The following BLOC1S5 variants were observed in gnomAD, a reference collection of about 807,000 sequenced individuals.
The protein encoded by BLOC1S5 is biogenesis of lysosome-related organelles complex 1 subunit 5.
Under a neutral mutation model 24.3 loss-of-function variants are expected in BLOC1S5, and 27 were observed. That is an observed-to-expected ratio of 1.11 (90% CI 0.82 to 1.53). The LOEUF (loss-of-function observed/expected upper bound fraction) is 1.53, where lower values mean the gene tolerates loss of function less well. BLOC1S5 is among the 40% of genes most tolerant of loss of function. The pLI is 0.00. For missense variants in BLOC1S5, 239 were observed against 229.4 expected (o/e 1.04, Z -0.27); for synonymous variants, 84 against 74.5 (o/e 1.13, Z -0.66).
intron 1 of BLOC1S5, 73 bp downstream of exon 1, chr6:8,064,192 G>C: frequency 7.4e-7 from 1 of 1,344,018 alleles, no homozygotes; most frequent in Non-Finnish European, 1.0e-6. Flanking sequence ...GGTCGGCCCG[G>C]GTCAGAGGGC....
At chr6:8,026,249 AT>A in intron 4 of BLOC1S5, 117 bp downstream of exon 4, 1 of 746,454 alleles carries the variant, frequency 1.3e-6, no homozygotes, top group South Asian at 1.7e-5. Context: ...TGAATCAGCC[AT>A]TTTAAAATAT....
At chr6:8,041,415 T>C (rs576654235) in intron 2 of BLOC1S5, 147 bp from the exon 3 acceptor site, 2 of 708,116 alleles carry the variant, frequency 2.8e-6, no homozygotes, top group Admixed American at 3.6e-5. Flanking sequence ...TGGGTTCAAG[T>C]GAGTCTCCTG....
chr6:8,016,856 G>T (rs1013236904), intron 4 of BLOC1S5, among the ~76,000 whole-genome samples: 2 of 124,722 alleles, frequency 1.6e-5, no homozygotes, highest in African/African-American at 6.0e-5. Context: ...TCCAGCCTGG[G>T]TGACAGTGAT....
At chr6:8,035,636 A>T (rs1472419924) in intron 3 of BLOC1S5, among the ~76,000 whole-genome samples, 1 of 152,190 alleles carries the variant, frequency 6.6e-6, no homozygotes, top group Non-Finnish European at 1.5e-5. Context: ...GCAAAAAGAG[A>T]CAAAGAAGGT....
intron 3 of BLOC1S5, among the ~76,000 whole-genome samples, chr6:8,033,195 G>C (rs145699702): frequency 0.011 from 1,697 of 152,242 alleles, 31 homozygotes; most frequent in African/African-American, 0.039. Flanking sequence ...AAAGAACAAA[G>C]CTGGAGCTAT....
intron 2 of BLOC1S5, among the ~76,000 whole-genome samples, chr6:8,059,217 G>A (rs2113607717): frequency 6.6e-6 from 1 of 152,300 alleles, no homozygotes; most frequent in East Asian, 1.9e-4. Context: ...TTGGAATCAA[G>A]GGAAAAAGAG....
intron 2 of BLOC1S5, among the ~76,000 whole-genome samples, chr6:8,049,038 AGAG>A (rs1214334417): frequency 9.5e-6 from 1 of 105,444 alleles, no homozygotes; most frequent in African/African-American, 3.6e-5. Flanking sequence ...GAAAGAAAGA[AGAG>A]GAGGGGAGGG....
At chr6:8,043,085 G>A (rs1472595286) in intron 2 of BLOC1S5, among the ~76,000 whole-genome samples, 1 of 152,234 alleles carries the variant, frequency 6.6e-6, no homozygotes, top group Non-Finnish European at 1.5e-5. Context: ...CACAAGTATG[G>A]CCATATACTG....
chr6:8,038,735 C>T (rs750882295), intron 3 of BLOC1S5, among the ~76,000 whole-genome samples: 3 of 152,196 alleles, frequency 2.0e-5, no homozygotes, highest in Non-Finnish European at 4.4e-5. Context: ...CCACCCGCCT[C>T]GGCCTCCCAA....
intron 3 of BLOC1S5, among the ~76,000 whole-genome samples, chr6:8,040,875 G>T (rs1407843951): frequency 1.3e-5 from 2 of 151,662 alleles, no homozygotes; most frequent in African/African-American, 4.8e-5. Flanking sequence ...AAAAAAATTT[G>T]TAAAAATAGG....
chr6:8,050,074 G>GT (rs760461736), intron 2 of BLOC1S5, among the ~76,000 whole-genome samples: 2 of 152,274 alleles, frequency 1.3e-5, no homozygotes, highest in African/African-American at 4.8e-5. Flanking sequence ...CAGATACTAT[G>GT]TTTTTTACAA....
At chr6:8,040,005 C>T (rs982120731) in intron 3 of BLOC1S5, among the ~76,000 whole-genome samples, 21 of 152,154 alleles carry the variant, frequency 1.4e-4, no homozygotes, top group African/African-American at 5.1e-4. Context: ...TAAGTGGGAA[C>T]TAACAAAGTA....
chr6:8,039,844 G>T (rs1416320335), intron 3 of BLOC1S5, among the ~76,000 whole-genome samples: 1 of 152,126 alleles, frequency 6.6e-6, no homozygotes, highest in African/African-American at 2.4e-5. Context: ...ATGGGACCAG[G>T]CTAAAACCAC....
chr6:8,015,067 C>T lies in BLOC1S5; in HGVS notation c.*582G>A, dbSNP rs1762688921. 1 of 152,748 alleles carries T rather than the reference C, an allele frequency of 6.5e-6. No individual in the cohort carries two copies. The highest frequency in any genetic ancestry group is 2.1e-4 in the South Asian group (1 of 4,838). The allele number at this position is 152,748 out of a possible 1,614,324, so 9.5% of individuals were successfully genotyped here. A position where few individuals can be genotyped will look rare whatever the true frequency, so the allele number is the denominator to read the frequency against. On this transcript the variant is annotated 3_prime_UTR_variant, in exon 5 of 5. Transcript: ENST00000397457. ...CTGCACTGTAAAATATGCAACGCTT[C>T]CCAAGAGGCAGCTCAAACACCAGCG... is the stretch of plus-strand genomic sequence containing the variant.
intron 2 of BLOC1S5, among the ~76,000 whole-genome samples, chr6:8,058,065 T>G (rs1327929297): frequency 6.6e-6 from 1 of 152,184 alleles, no homozygotes; most frequent in Non-Finnish European, 1.5e-5. Flanking sequence ...TGTACATGTC[T>G]TGTATGACTG....
chr6:8,035,858 GAGT>G (rs1210116427), intron 3 of BLOC1S5, among the ~76,000 whole-genome samples: 9 of 152,082 alleles, frequency 5.9e-5, no homozygotes, highest in African/African-American at 9.7e-5. Context: ...AAACATTGGA[GAGT>G]TCAACTACAA....
chr6:8,018,946 G>A (rs771063573), intron 4 of BLOC1S5, among the ~76,000 whole-genome samples: 22 of 152,206 alleles, frequency 1.4e-4, no homozygotes, highest in Non-Finnish European at 2.6e-4. Context: ...AATCCTGGAT[G>A]TAACCATTAT....
At chr6:8,047,424 C>T (rs967020661) in intron 2 of BLOC1S5, among the ~76,000 whole-genome samples, 1 of 152,050 alleles carries the variant, frequency 6.6e-6, no homozygotes, top group East Asian at 1.9e-4. Flanking sequence ...CTATAAAAGA[C>T]ATTTGTTGAC....
intron 3 of BLOC1S5, among the ~76,000 whole-genome samples, chr6:8,029,682 G>C (rs940791237): frequency 3.3e-5 from 5 of 152,202 alleles, no homozygotes; most frequent in Admixed American, 2.0e-4. Flanking sequence ...CCTGGGAACA[G>C]AGGCTGCCTA....
Sources: allele counts gnomAD v4.1 joint callset (sites outside exome capture counted in the v4.1 genomes callset), GRCh38; gene constraint gnomAD v4.1.1; transcripts MANE v1.5; gene names NCBI Gene and HGNC (gene_info 2026-07-23, HGNC 2026-07-21).